MGLL: variants seen among roughly 807,000 people sequenced by gnomAD.
The protein encoded by MGLL is monoglyceride lipase, also known as lysophospholipase homolog.
Under a neutral mutation model 29.1 loss-of-function variants are expected in MGLL, and 7 were observed. The observed-to-expected ratio is 0.24, with a 90% CI of 0.14 to 0.45. The LOEUF is 0.45. Among genes scored for constraint, MGLL ranks in the 20% least tolerant of loss-of-function variants. The pLI is 0.99. For missense variants in MGLL, 356 were observed against 413.6 expected, an observed-to-expected ratio of 0.86 and a Z score of 1.21; for synonymous variants, 148 against 168.3, an observed-to-expected ratio of 0.88 and a Z score of 0.93.
At chr3:127,776,196 C>T (rs2077034093) in intron 3 of MGLL, among the ~76,000 whole-genome samples, 1 of 152,208 alleles carries the variant, frequency 6.6e-6, no homozygotes, top group East Asian at 1.9e-4. Flanking sequence ...CCTTCCAGGC[C>T]CCAGAGCCTT....
chr3:127,740,516 T>C (rs992836798), intron 3 of MGLL, among the ~76,000 whole-genome samples: 3 of 152,206 alleles, frequency 2.0e-5, no homozygotes, highest in African/African-American at 7.2e-5. Context: ...TTTGCTGGCC[T>C]CACCCTCCAG....
intron 3 of MGLL, among the ~76,000 whole-genome samples, chr3:127,731,778 G>C (rs768930912): frequency 3.3e-5 from 5 of 152,218 alleles, no homozygotes; most frequent in Non-Finnish European, 7.3e-5. Context: ...GCAGGGCCCT[G>C]CGTGGCATGC....
At chr3:127,817,825 T>C (rs1418486997) in intron 2 of MGLL, among the ~76,000 whole-genome samples, 1 of 152,220 alleles carries the variant, frequency 6.6e-6, no homozygotes, top group South Asian at 2.1e-4. Flanking sequence ...AGGTGCTAAA[T>C]ATTTCTCAAA....
chr3:127,703,375 A>G (rs1234338724), intron 6 of MGLL, among the ~76,000 whole-genome samples: 2 of 152,254 alleles, frequency 1.3e-5, no homozygotes, highest in African/African-American at 4.8e-5. Context: ...CAGAACAGCA[A>G]AATCATGCAG....
chr3:127,726,222 GAGAA>G (rs2076042234), intron 3 of MGLL, among the ~76,000 whole-genome samples: 1 of 139,796 alleles, frequency 7.2e-6, no homozygotes, highest in African/African-American at 2.6e-5. Context: ...AGGAAGGAAA[GAGAA>G]AGAAAGAGGA....
intron 5 of MGLL, chr3:127,712,054 T>A (rs542927771): frequency 6.6e-6 from 1 of 152,156 alleles, no homozygotes; most frequent in African/African-American, 2.4e-5. Context: ...CCCTGGGAGA[T>A]GAGGCTTCAT....
rs1057416084 is a variant in MGLL, at chr3:127,716,022, C to T, written c.510+5031G>A. 1.4e-5 allele frequency: 5 copies of T among 354,508 alleles called. No homozygotes were observed. In the Admixed American group the frequency reaches 1.5e-4, roughly 11 times the overall value. The allele number at this position is 354,508 out of a possible 1,614,324, so 22.0% of individuals were successfully genotyped here. ...TTGAGGTGAGACCCCCCGCACCTGCCCCATGACCCTGGTGAAACCAGGTTT... is the reference window on the plus strand; with the variant it reads ...TTGAGGTGAGACCCCCCGCACCTGCTCCATGACCCTGGTGAAACCAGGTTT... On this transcript the variant is annotated intron_variant, in intron 5 of 7. Coordinates refer to ENST00000265052, the MANE Select transcript of MGLL (RefSeq NM_007283.7).
At chr3:127,782,471 G>A (rs1326700254) in intron 2 of MGLL, among the ~76,000 whole-genome samples, 1 of 152,150 alleles carries the variant, frequency 6.6e-6, no homozygotes, top group Non-Finnish European at 1.5e-5. Flanking sequence ...CTGTAACATG[G>A]TAAGAAGAGC....
chr3:127,790,946 G>A (rs2077289647), intron 2 of MGLL, among the ~76,000 whole-genome samples: 1 of 152,132 alleles, frequency 6.6e-6, no homozygotes, highest in South Asian at 2.1e-4. Flanking sequence ...AACCCCAGGG[G>A]GTAGCCGGCC....
Position 127,720,419 on chromosome 3 carries a change from G to T in MGLL, c.510+634C>A, listed in dbSNP as rs184970636. On this transcript the variant is annotated intron_variant, in intron 5 of 7. Transcript: ENST00000265052. ...AGAGTCACAAGCAAGCCGCCCTACC[G>T]AGGCCACTGGTTTCATCTCCTTTCT... is the stretch of plus-strand genomic sequence containing the variant. Among the ~76,000 whole-genome samples, 338 of 152,256 alleles carry T rather than the reference G, an allele frequency of 2.2e-3. 1 individual carries two copies. Among genetic ancestry groups the T allele is most frequent in the African/African-American group, 7.5e-3 (311 of 41,558 alleles).
chr3:127,739,942 T>C (rs1043291015), intron 3 of MGLL, among the ~76,000 whole-genome samples: 1 of 152,150 alleles, frequency 6.6e-6, no homozygotes, highest in African/African-American at 2.4e-5. Flanking sequence ...AAAATGCAGG[T>C]GTGGGCCTGG....
Position 127,758,587 on chromosome 3 carries a change from G to A in MGLL, c.262+23202C>T, listed in dbSNP as rs993638886. ...GCCCCTGAGCCTTGTATAATTAAATGGTGTGTTCCGTTGTTAGTGCTGACA... is the reference window on the plus strand; with the variant it reads ...GCCCCTGAGCCTTGTATAATTAAATAGTGTGTTCCGTTGTTAGTGCTGACA... On this transcript the variant is annotated intron_variant, in intron 3 of 7. Coordinates refer to ENST00000265052, the MANE Select transcript of MGLL (RefSeq NM_007283.7). Among the ~76,000 whole-genome samples the A allele has an allele frequency of 9.2e-5, 14 of 152,212 alleles. No homozygotes were observed. In the East Asian group the frequency reaches 2.7e-3, roughly 29 times the overall value.
chr3:127,790,175 T>C (rs2077277035), intron 2 of MGLL, among the ~76,000 whole-genome samples: 1 of 152,194 alleles, frequency 6.6e-6, no homozygotes, highest in Non-Finnish European at 1.5e-5. Context: ...TCACTCTATG[T>C]CTCAGTTTCC....
intron 6 of MGLL, among the ~76,000 whole-genome samples, chr3:127,699,179 C>T (rs1243767685): frequency 6.6e-6 from 1 of 152,236 alleles, no homozygotes; most frequent in African/African-American, 2.4e-5. Flanking sequence ...TTGAGCTTGA[C>T]AGCCAGGAAT....
Position 127,695,452 on chromosome 3 carries a change from T to G in MGLL, c.601-262A>C, listed in dbSNP as rs1051266209. ...GAAAATGTCAAGTATTGGCCAGGTG[T>G]GGTGGCTCATGCCTGTAATCCCAGA... On this transcript the variant is annotated intron_variant, in intron 6 of 7. Coordinates refer to ENST00000265052, the MANE Select transcript of MGLL (RefSeq NM_007283.7). Among the ~76,000 whole-genome samples the G allele has an allele frequency of 9.9e-5, 15 of 152,204 alleles. 1 individual carries two copies. Among genetic ancestry groups the G allele is most frequent in the Non-Finnish European group, 1.5e-5 (1 of 68,014 alleles).
chr3:127,821,761 G>A lies in MGLL; in HGVS notation c.88C>T (p.Pro30Ser), dbSNP rs373555899. 2.5e-6 allele frequency: 4 copies of A among 1,613,942 alleles called. No individual in the cohort carries two copies. Among genetic ancestry groups the A allele is most frequent in the Admixed American group, 1.7e-5 (1 of 60,012 alleles). Reference protein sequence around the residue: ...TPQSIPYQDLPHLVNADGQYL... With the variant: ...TPQSIPYQDLSHLVNADGQYL... ...TGTCCGTCTGCATTGACCAGGTGAG[G>A]GAGGTCCTGGTAGGGAATGCTCTGC... is the stretch of plus-strand genomic sequence containing the variant. The change falls in exon 2 of 8, where the codon CCT (proline) becomes TCT (serine). Residue 30 changes from proline (P) to serine (S), a missense_variant. Coordinates refer to ENST00000265052, the MANE Select transcript of MGLL (RefSeq NM_007283.7).
chr3:127,715,452 G>A (rs1254741542), intron 5 of MGLL: 2 of 347,130 alleles, frequency 5.8e-6, no homozygotes, highest in Non-Finnish European at 1.1e-5. Context: ...TAGGTGTTTA[G>A]CCTCTTCCCC....
intron 2 of MGLL, among the ~76,000 whole-genome samples, chr3:127,804,320 C>T (rs1010452726): frequency 1.3e-5 from 2 of 152,236 alleles, no homozygotes; most frequent in East Asian, 1.9e-4. Flanking sequence ...GGCCACGGGG[C>T]GGACCAGACC....
chr3:127,763,674 C>A (rs1253253162), intron 3 of MGLL, among the ~76,000 whole-genome samples: 2 of 152,234 alleles, frequency 1.3e-5, no homozygotes, highest in Non-Finnish European at 1.5e-5. Context: ...GTGCCCTAAG[C>A]TCGGCCACTG....
Sources: allele counts gnomAD v4.1 joint callset (sites outside exome capture counted in the v4.1 genomes callset), GRCh38; gene constraint gnomAD v4.1.1; transcripts MANE v1.5; gene names NCBI Gene and HGNC (gene_info 2026-07-23, HGNC 2026-07-21).